Variants in RNF13 observed in about 807,000 individuals in gnomAD.
The protein encoded by RNF13 is ring finger protein 13.
Under a neutral mutation model 37.7 loss-of-function variants are expected in RNF13, and 19 were observed. That is an observed-to-expected ratio of 0.50 (90% CI 0.35 to 0.74). The LOEUF (loss-of-function observed/expected upper bound fraction) is 0.74, where lower values mean the gene tolerates loss of function less well. RNF13 is among the 30% of genes least tolerant of loss of function. The pLI is 0.01. For synonymous variants in RNF13, 144 were observed against 157.8 expected (o/e 0.91, Z 0.65); for missense variants, 375 against 453.0 (o/e 0.83, Z 1.56).
intron 4 of RNF13, among the ~76,000 whole-genome samples, chr3:149,881,403 T>G (rs1460884822): frequency 6.6e-6 from 1 of 152,188 alleles, no homozygotes; most frequent in Non-Finnish European, 1.5e-5. Context: ...TGCTCGCAGC[T>G]CACTGCAACC....
At chr3:149,863,233 A>G (rs184178753) in intron 3 of RNF13, among the ~76,000 whole-genome samples, 3 of 152,312 alleles carry the variant, frequency 2.0e-5, no homozygotes, top group Admixed American at 2.0e-4. Context: ...TCAACTATAA[A>G]CTGAGTTATA....
chr3:149,813,039 C>G (rs1221238838), upstream of RNF13: 2 of 152,334 alleles, frequency 1.3e-5, no homozygotes, highest in East Asian at 3.9e-4. Flanking sequence ...GAAGACGGAT[C>G]ACGCGGCCAA....
chr3:149,947,206 C>T (rs1720850796), intron 8 of RNF13, among the ~76,000 whole-genome samples: 1 of 151,982 alleles, frequency 6.6e-6, no homozygotes, highest in Non-Finnish European at 1.5e-5. Context: ...GAGAATATTA[C>T]ATGTGCGTTT....
chr3:149,876,721 G>A (rs1712741865), intron 4 of RNF13, among the ~76,000 whole-genome samples: 1 of 147,000 alleles, frequency 6.8e-6, no homozygotes, highest in Non-Finnish European at 1.5e-5. Context: ...GATAAACTGT[G>A]TCCTGTCTGA....
chr3:149,896,118 C>A (rs1014285706), intron 5 of RNF13, among the ~76,000 whole-genome samples: 11 of 152,172 alleles, frequency 7.2e-5, no homozygotes, highest in Non-Finnish European at 1.2e-4. Flanking sequence ...TAATAAGACA[C>A]TGACTTTGAA....
Position 149,940,729 on chromosome 3 carries a change from A to AT in RNF13, c.701-19322dup, listed in dbSNP as rs1456007500. ...TAACAATAAATTTACAATCTTAACC[A>AT]TTTTTAAGTGTACAGTTCAATAGTG... is the stretch of plus-strand genomic sequence containing the variant. On this transcript the variant is annotated intron_variant, in intron 8 of 9. Coordinates refer to ENST00000392894, the MANE Select transcript of RNF13 (RefSeq NM_183381.3). 2.6e-5 allele frequency among the ~76,000 whole-genome samples: 4 copies of AT among 152,126 alleles called. No individual in the cohort carries two copies. The East Asian group carries it at 7.7e-4, about 29-fold the overall frequency.
At chr3:149,834,463 C>A (rs1388153987) in intron 1 of RNF13, among the ~76,000 whole-genome samples, 1 of 152,200 alleles carries the variant, frequency 6.6e-6, no homozygotes, top group African/African-American at 2.4e-5. Flanking sequence ...TAACTTTTGA[C>A]AGAAGTCCTC....
chr3:149,921,253 A>T (rs1025646761), intron 8 of RNF13, 26 bp downstream of exon 8: 2 of 1,132,712 alleles, frequency 1.8e-6, no homozygotes, highest in African/African-American at 3.2e-5. Flanking sequence ...CTAAATAATT[A>T]TCCTTAGTTT....
intron 4 of RNF13, among the ~76,000 whole-genome samples, chr3:149,889,407 C>T (rs1045849734): frequency 5.3e-5 from 8 of 149,710 alleles, no homozygotes; most frequent in African/African-American, 2.0e-4. Flanking sequence ...TGGATTCAAA[C>T]GATTCTCCTG....
intron 8 of RNF13, among the ~76,000 whole-genome samples, chr3:149,950,187 C>T (rs1333633185): frequency 6.6e-6 from 1 of 152,172 alleles, no homozygotes; most frequent in African/African-American, 2.4e-5. Context: ...ACCATTGTTG[C>T]ATGTTGCCTA....
rs569651484 is a variant in RNF13, at chr3:149,934,251, CTT to C, written c.700+13030_700+13031del. On this transcript the variant is annotated intron_variant, in intron 8 of 9. Transcript: ENST00000392894. Reference sequence around the variant, plus strand: ...TTCATTTATACTTTGAGTGTTTTCTCTTTTTTTGTTAGTCTAGCAAAAGGTAT... The same window carrying C: ...TTCATTTATACTTTGAGTGTTTTCTCTTTTTGTTAGTCTAGCAAAAGGTAT... 4.6e-5 allele frequency among the ~76,000 whole-genome samples: 7 copies of C among 151,960 alleles called. No homozygotes were observed. The East Asian group carries it at 1.4e-3, about 29-fold the overall frequency.
In RNF13 at chr3:149,875,647, C is replaced by T. The variant is rs531876932; in HGVS notation, c.321+3493C>T. 9.9e-5 allele frequency among the ~76,000 whole-genome samples: 15 copies of T among 152,260 alleles called. No individual in the cohort carries two copies. The South Asian group carries it at 2.5e-3, about 25-fold the overall frequency. Reference sequence around the variant, plus strand: ...TTTTTATCTTCTGTTGAGAGAAGCACATATGAACCTTTTAATCTGTCTTAC... The same window carrying T: ...TTTTTATCTTCTGTTGAGAGAAGCATATATGAACCTTTTAATCTGTCTTAC... On this transcript the variant is annotated intron_variant, in intron 4 of 9. Coordinates refer to ENST00000392894, the MANE Select transcript of RNF13 (RefSeq NM_183381.3).
chr3:149,948,143 G>A (rs534970780), intron 8 of RNF13, among the ~76,000 whole-genome samples: 2 of 152,146 alleles, frequency 1.3e-5, no homozygotes, highest in East Asian at 3.9e-4. Context: ...TAGAGATGGG[G>A]TTTCACCATG....
At chr3:149,856,667 C>T (rs916823779) in intron 3 of RNF13, among the ~76,000 whole-genome samples, 3 of 151,876 alleles carry the variant, frequency 2.0e-5, no homozygotes, top group Non-Finnish European at 4.4e-5. Context: ...GGTTGCGAAC[C>T]CCTGGCTTCA....
intron 5 of RNF13, among the ~76,000 whole-genome samples, chr3:149,897,724 G>A (rs1432581204): frequency 1.3e-5 from 2 of 152,120 alleles, no homozygotes; most frequent in African/African-American, 4.8e-5. Context: ...ACTTGGTAGA[G>A]GTAAGAAAAG....
chr3:149,825,717 C>T (rs1484746313), intron 1 of RNF13, among the ~76,000 whole-genome samples: 6 of 152,186 alleles, frequency 3.9e-5, no homozygotes, highest in Non-Finnish European at 8.8e-5. Context: ...TTTGTAATGT[C>T]TCCCTCAGTG....
chr3:149,903,596 T>A (rs987632923), intron 6 of RNF13, among the ~76,000 whole-genome samples: 3 of 152,164 alleles, frequency 2.0e-5, no homozygotes, highest in Non-Finnish European at 4.4e-5. Context: ...TAACTTGCTT[T>A]ATTTACTTAA....
intron 3 of RNF13, 78 bp from the exon 4 acceptor site, chr3:149,871,951 C>A (rs1451020857): frequency 3.9e-6 from 5 of 1,291,122 alleles, no homozygotes; most frequent in East Asian, 4.8e-5. Flanking sequence ...CATGACAAAT[C>A]GAAAAGATAT....
chr3:149,815,151 T>C, intron 1 of RNF13, among the ~76,000 whole-genome samples: 1 of 152,212 alleles, frequency 6.6e-6, no homozygotes, highest in Non-Finnish European at 1.5e-5. Flanking sequence ...CCTTGATATT[T>C]TTCTGCATTC....
Sources: allele counts gnomAD v4.1 joint callset (sites outside exome capture counted in the v4.1 genomes callset), GRCh38; gene constraint gnomAD v4.1.1; transcripts MANE v1.5; gene names NCBI Gene and HGNC (gene_info 2026-07-23, HGNC 2026-07-21).